The following TMEM165 variants were observed in gnomAD, a reference collection of about 807,000 sequenced individuals.
The protein encoded by TMEM165 is putative divalent cation/proton antiporter TMEM165.
TMEM165 carries 19 observed loss-of-function variants against 30.0 expected under a neutral mutation model. The observed-to-expected ratio is 0.63, with a 90% CI of 0.44 to 0.93. TMEM165 has a LOEUF of 0.93. Among genes scored for constraint, TMEM165 ranks in the 40% least tolerant of loss-of-function variants. TMEM165 has a pLI of 0.00. For missense variants in TMEM165, 340 were observed against 417.0 expected (o/e 0.82, Z 1.61); for synonymous variants, 168 against 162.9 (o/e 1.03, Z -0.24).
intron 3 of TMEM165, chr4:55,443,703 T>A: frequency 6.2e-7 from 1 of 1,614,052 alleles, no homozygotes; most frequent in South Asian, 1.1e-5. Context: ...TGATGTACTC[T>A]GTAAAGTCTG....
chr4:55,430,154 A>G (rs1355812672), downstream of TMEM165: 3 of 152,208 alleles, frequency 2.0e-5, no homozygotes, highest in Admixed American at 6.5e-5. Flanking sequence ...ACCCCTTTCT[A>G]AATTCTTTCA....
chr4:55,438,448 C>G (rs531489973), intron 3 of TMEM165: 1 of 1,613,832 alleles, frequency 6.2e-7, no homozygotes, highest in Non-Finnish European at 8.5e-7. Flanking sequence ...CACCACCTGG[C>G]CCATAAGCAT....
intron 3 of TMEM165, among the ~76,000 whole-genome samples, chr4:55,442,873 A>G (rs1723488559): frequency 6.6e-6 from 1 of 152,122 alleles, no homozygotes; most frequent in African/African-American, 2.4e-5. Context: ...ATTGTAATAG[A>G]GATGATATAA....
At chr4:55,401,715 G>A (rs1034191317) in intron 1 of TMEM165, among the ~76,000 whole-genome samples, 1 of 150,434 alleles carries the variant, frequency 6.6e-6, no homozygotes, top group Non-Finnish European at 1.5e-5. Flanking sequence ...TAAGATTGAG[G>A]CAATCAGTTA....
At chr4:55,449,385 A>C (rs757587614) in intron 3 of TMEM165, 1 of 1,604,968 alleles carries the variant, frequency 6.2e-7, no homozygotes, top group South Asian at 1.1e-5. Context: ...AATATCCACT[A>C]AAGAGCTTAC....
rs573825295 is a variant in TMEM165, at chr4:55,421,315, T to A, written c.793-3223T>A. ...TTTCTTTCTTTTTTTTTTTTTTTTTTTTTGAGACAGGGTCTGGCTCTGTCA... is the reference window on the plus strand; with the variant it reads ...TTTCTTTCTTTTTTTTTTTTTTTTTATTTGAGACAGGGTCTGGCTCTGTCA... On this transcript the variant is annotated intron_variant, in intron 4 of 5. Transcript: ENST00000381334. 3.4e-3 allele frequency among the ~76,000 whole-genome samples: 499 copies of A among 146,938 alleles called. 2 individuals are homozygous for A. Among genetic ancestry groups the A allele is most frequent in the African/African-American group, 0.012 (477 of 39,874 alleles).
At chr4:55,448,746 A>T (rs1724158948) in intron 3 of TMEM165, 1 of 1,544,920 alleles carries the variant, frequency 6.5e-7, no homozygotes, top group South Asian at 1.1e-5. Flanking sequence ...TATCATATTC[A>T]AATACGCAAC....
At chr4:55,425,318 G>T in intron 5 of TMEM165, 58 bp from the exon 6 acceptor site, 1 of 1,397,906 alleles carries the variant, frequency 7.2e-7, no homozygotes, top group East Asian at 2.3e-5. Flanking sequence ...TTTTCATTTT[G>T]TACAGTATCA....
At position 55,448,018 on chromosome 4, in the gene TMEM165, C is replaced by G. The variant is rs79957261; in HGVS notation, c.409-4221C>G. Among the ~76,000 whole-genome samples the G allele has an allele frequency of 7.3e-3, 1,108 of 152,278 alleles. 10 individuals are homozygous for G. Among genetic ancestry groups the G allele is most frequent in the African/African-American group, 0.023 (957 of 41,550 alleles). ...CCCCCTTTTTTTTGGCTACTTTCCACATTCAGGCCTCCTTCTGGACTTAGG... is the reference window on the plus strand; with the variant it reads ...CCCCCTTTTTTTTGGCTACTTTCCAGATTCAGGCCTCCTTCTGGACTTAGG... On this transcript the variant is annotated intron_variant, in intron 3 of 3. Coordinates refer to the TMEM165 transcript ENST00000608091.
chr4:55,421,577 C>A (rs186825989), intron 4 of TMEM165, among the ~76,000 whole-genome samples: 1 of 152,018 alleles, frequency 6.6e-6, no homozygotes, highest in African/African-American at 2.4e-5. Context: ...AGATTACGCC[C>A]GGCCTAAATA....
At chr4:55,440,333 C>G (rs938734284) in intron 3 of TMEM165, among the ~76,000 whole-genome samples, 3 of 152,162 alleles carry the variant, frequency 2.0e-5, no homozygotes, top group Admixed American at 1.3e-4. Flanking sequence ...TTCCCTGCTT[C>G]CTTTTGCTTT....
At chr4:55,412,522 A>G (rs1721553149) in intron 2 of TMEM165, 1 of 152,008 alleles carries the variant, frequency 6.6e-6, no homozygotes. Context: ...ATGTGAATAT[A>G]CTTTTTTAAC....
intron 3 of TMEM165, among the ~76,000 whole-genome samples, chr4:55,444,420 G>A (rs1249112448): frequency 6.6e-6 from 1 of 152,128 alleles, no homozygotes; most frequent in Admixed American, 6.5e-5. Flanking sequence ...GATGACTGGA[G>A]AAACAAGGAT....
chr4:55,398,466 G>A (rs947029285), intron 1 of TMEM165, among the ~76,000 whole-genome samples: 2 of 152,206 alleles, frequency 1.3e-5, no homozygotes, highest in African/African-American at 4.8e-5. Flanking sequence ...GCCTTACTAA[G>A]TTTTATTAGC....
At chr4:55,452,967 G>T in exon 4 of TMEM165, 1 of 925,396 alleles carries the variant, frequency 1.1e-6, no homozygotes, top group South Asian at 1.5e-5. Flanking sequence ...AAGTATTTTT[G>T]AAAAATAGTT....
chr4:55,405,139 A>G (rs1721220112), intron 1 of TMEM165, among the ~76,000 whole-genome samples: 1 of 152,080 alleles, frequency 6.6e-6, no homozygotes, highest in Admixed American at 6.5e-5. Flanking sequence ...TCTGTTGGAA[A>G]TCTCATCTAC....
At chr4:55,440,868 CAA>C (rs1723311012) in intron 3 of TMEM165, among the ~76,000 whole-genome samples, 1 of 152,138 alleles carries the variant, frequency 6.6e-6, no homozygotes, top group Non-Finnish European at 1.5e-5. Context: ...AAGCCAAGCT[CAA>C]GTCTTGAAGA....
chr4:55,402,795 C>CTTTTTT lies in TMEM165; in HGVS notation c.207+6408_207+6413dup, dbSNP rs71194554. Among the ~76,000 whole-genome samples the CTTTTTT allele has an allele frequency of 1.4e-4, 10 of 71,412 alleles. 1 individual carries two copies. The South Asian group carries it at 2.2e-3, about 16-fold the overall frequency. 46.8% of individuals were successfully genotyped at this position (71,412 alleles called of 152,430 possible). A position where few individuals can be genotyped will look rare whatever the true frequency, so the allele number is the denominator to read the frequency against. ...ACATTTTTACAACTTTTAAAAAAAG[C>CTTTTTT]TTTTTTTTTTTTTTGAGACGGAGTC... On this transcript the variant is annotated intron_variant, in intron 1 of 5. Transcript: ENST00000381334.
chr4:55,442,258 T>A lies in TMEM165; in HGVS notation c.409-9981T>A, dbSNP rs2109679961. 1.7e-5 allele frequency: 11 copies of A among 632,982 alleles called. No homozygotes were observed. The South Asian group carries it at 2.1e-4, about 12-fold the overall frequency. 39.2% of individuals were successfully genotyped at this position (632,982 alleles called of 1,614,324 possible). ...AAAATTTGTTGTTACCCTTTAATTA[T>A]GAAGTCTTTAAACAATGAATACATT... On this transcript the variant is annotated intron_variant, in intron 3 of 3. Transcript: ENST00000608091.
Sources: allele counts gnomAD v4.1 joint callset (sites outside exome capture counted in the v4.1 genomes callset), GRCh38; gene constraint gnomAD v4.1.1; transcripts MANE v1.5; gene names NCBI Gene and HGNC (gene_info 2026-07-23, HGNC 2026-07-21).